KHDRBS2: variants seen among roughly 807,000 people sequenced by gnomAD.
KHDRBS2 encodes the protein KH RNA binding domain containing, signal transduction associated 2, also known as KH domain-containing, RNA-binding, signal transduction-associated protein 2.
In KHDRBS2, 26 loss-of-function variants were observed where a neutral mutation model predicts 44.3. The ratio of observed to expected loss-of-function variants is 0.59; its 90% confidence interval spans 0.43 to 0.81. KHDRBS2 has a LOEUF of 0.81. Ranked by LOEUF, KHDRBS2 falls within the 40% of genes least tolerant of loss-of-function variation. KHDRBS2 has a pLI of 0.00. For synonymous variants in KHDRBS2, 194 were observed against 151.1 expected, an observed-to-expected ratio of 1.28 and a Z score of -2.08; for missense variants, 476 against 433.1, an observed-to-expected ratio of 1.10 and a Z score of -0.88.
chr6:61,633,858 C>A, the KHDRBS2 span, among the ~76,000 whole-genome samples: 1 of 151,858 alleles, frequency 6.6e-6, no homozygotes, highest in African/African-American at 2.4e-5. Flanking sequence ...TTTATATCTT[C>A]CAGAAGTCCT....
At chr6:62,109,580 G>T (rs1339279587) in intron 2 of KHDRBS2, among the ~76,000 whole-genome samples, 1 of 151,886 alleles carries the variant, frequency 6.6e-6, no homozygotes, top group Non-Finnish European at 1.5e-5. Context: ...AGATAAGTTT[G>T]GCAAGGGTAA....
chr6:62,103,938 G>T (rs369521520), intron 2 of KHDRBS2, among the ~76,000 whole-genome samples: 1 of 152,036 alleles, frequency 6.6e-6, no homozygotes, highest in African/African-American at 2.4e-5. Flanking sequence ...ATCAACAACA[G>T]ATCTTTACTA....
At chr6:61,669,583 C>T in the KHDRBS2 span, among the ~76,000 whole-genome samples, 8 of 150,806 alleles carry the variant, frequency 5.3e-5, no homozygotes, top group South Asian at 1.5e-3. Context: ...TTTATTTACA[C>T]GTTTGATATA....
chr6:61,946,021 A>AAG (rs963480586), intron 4 of KHDRBS2, among the ~76,000 whole-genome samples: 1 of 152,190 alleles, frequency 6.6e-6, no homozygotes, highest in Non-Finnish European at 1.5e-5. Context: ...AAGAGATTGA[A>AAG]AGAGAGAGAG....
At chr6:61,630,664 A>G in the KHDRBS2 span, among the ~76,000 whole-genome samples, 1 of 152,158 alleles carries the variant, frequency 6.6e-6, no homozygotes, top group Non-Finnish European at 1.5e-5. Context: ...CAAAAAAGTG[A>G]GGTTTCCTAG....
intron 2 of KHDRBS2, among the ~76,000 whole-genome samples, chr6:62,127,715 C>T (rs925099720): frequency 4.6e-5 from 7 of 151,994 alleles, no homozygotes; most frequent in Non-Finnish European, 8.8e-5. Flanking sequence ...CTACTGTCTT[C>T]AATTATTTGA....
At chr6:61,774,295 C>T (rs1373501138) in intron 6 of KHDRBS2, among the ~76,000 whole-genome samples, 2 of 152,012 alleles carry the variant, frequency 1.3e-5, no homozygotes, top group Non-Finnish European at 1.5e-5. Context: ...GTTCTTCCAT[C>T]TGTTTGTATC....
At chr6:61,611,407 C>T in the KHDRBS2 span, among the ~76,000 whole-genome samples, 1 of 152,156 alleles carries the variant, frequency 6.6e-6, no homozygotes, top group Non-Finnish European at 1.5e-5. Context: ...AAAGTAAATA[C>T]TCTTACAGAG....
intron 6 of KHDRBS2, among the ~76,000 whole-genome samples, chr6:61,754,375 G>A (rs1778170307): frequency 6.6e-6 from 1 of 152,108 alleles, no homozygotes; most frequent in Non-Finnish European, 1.5e-5. Context: ...TATGTGTGCT[G>A]TAGACTTAAC....
At chr6:62,236,519 C>T (rs1356829254) in intron 1 of KHDRBS2, among the ~76,000 whole-genome samples, 1 of 151,854 alleles carries the variant, frequency 6.6e-6, no homozygotes, top group Non-Finnish European at 1.5e-5. Context: ...AGCATCAAGA[C>T]CTCCATGTAA....
At chr6:61,811,427 T>C (rs1167166203) in intron 6 of KHDRBS2, among the ~76,000 whole-genome samples, 1 of 152,160 alleles carries the variant, frequency 6.6e-6, no homozygotes, top group African/African-American at 2.4e-5. Context: ...TCCATGTGTC[T>C]CTCAGGTAGA....
chr6:62,080,777 T>C (rs1797236868), intron 2 of KHDRBS2, among the ~76,000 whole-genome samples: 1 of 152,108 alleles, frequency 6.6e-6, no homozygotes, highest in South Asian at 2.1e-4. Flanking sequence ...CTTGGCCAAC[T>C]GGAGACAATT....
the KHDRBS2 span, among the ~76,000 whole-genome samples, chr6:61,644,760 C>A: frequency 6.6e-6 from 1 of 151,984 alleles, no homozygotes; most frequent in South Asian, 2.1e-4. Flanking sequence ...TAAAGAGATA[C>A]CATCTTATAC....
intron 6 of KHDRBS2, among the ~76,000 whole-genome samples, chr6:61,878,608 C>T (rs1371390664): frequency 1.3e-5 from 2 of 151,988 alleles, no homozygotes; most frequent in Non-Finnish European, 2.9e-5. Context: ...TTCAATTTCT[C>T]TGGACGTAAG....
chr6:61,575,822 A>ATAACTG, the KHDRBS2 span, among the ~76,000 whole-genome samples: 1 of 152,206 alleles, frequency 6.6e-6, no homozygotes, highest in Non-Finnish European at 1.5e-5. Flanking sequence ...ATGGAGTTGA[A>ATAACTG]GACCATTATT....
intron 6 of KHDRBS2, among the ~76,000 whole-genome samples, chr6:61,832,573 T>C (rs1791996351): frequency 6.6e-6 from 1 of 151,784 alleles, no homozygotes. Context: ...AAATGATTGC[T>C]GGGAGGGACA....
intron 3 of KHDRBS2, among the ~76,000 whole-genome samples, chr6:62,026,443 T>G (rs1030974592): frequency 6.8e-6 from 1 of 147,054 alleles, no homozygotes; most frequent in Non-Finnish European, 1.5e-5. Flanking sequence ...TTATTATTTT[T>G]TTTTTTGGAG....
intron 6 of KHDRBS2, among the ~76,000 whole-genome samples, chr6:61,799,501 T>C (rs566926093): frequency 6.6e-6 from 1 of 152,158 alleles, no homozygotes; most frequent in East Asian, 1.9e-4. Flanking sequence ...TAAGAGTTTC[T>C]AATAGAAATC....
In KHDRBS2 at chr6:62,160,767, A is replaced by G. The variant is rs572741745; in HGVS notation, c.219+16418T>C. On this transcript the variant is annotated intron_variant, in intron 2 of 8. Coordinates refer to ENST00000281156, the MANE Select transcript of KHDRBS2 (RefSeq NM_152688.4). ...CCCAGTTGAGAGAAGGTGATGACTT[A>G]GCCCAGGGTAACAAGAGTTCTTTGT... Among the ~76,000 whole-genome samples, 232 of 152,288 alleles carry G rather than the reference A, an allele frequency of 1.5e-3. 1 individual carries two copies. Among genetic ancestry groups the G allele is most frequent in the African/African-American group, 5.4e-3 (225 of 41,568 alleles).
Sources: allele counts gnomAD v4.1 joint callset (sites outside exome capture counted in the v4.1 genomes callset), GRCh38; gene constraint gnomAD v4.1.1; transcripts MANE v1.5; gene names NCBI Gene and HGNC (gene_info 2026-07-23, HGNC 2026-07-21).